Variants in LRRC37A2 observed in about 807,000 individuals in gnomAD.
The protein encoded by LRRC37A2 is leucine-rich repeat-containing protein 37A2.
Under a neutral mutation model 68.8 loss-of-function variants are expected in LRRC37A2, and 9 were observed. The observed-to-expected ratio is 0.13, with a 90% confidence interval of 0.08 to 0.23. The LOEUF is 0.23. Among genes scored for constraint, LRRC37A2 ranks in the 10% least tolerant of loss-of-function variants. The pLI is 1.00. For synonymous variants in LRRC37A2, 63 were observed against 367.6 expected (o/e 0.17, Z 9.48); for missense variants, 168 against 950.4 (o/e 0.18, Z 10.82).
the LRRC37A2 span, among the ~76,000 whole-genome samples, chr17:46,695,399 CAAG>C: frequency 2.8e-5 from 2 of 71,138 alleles, no homozygotes; most frequent in Non-Finnish European, 4.9e-5. Context: ...ACTCTTCCCT[CAAG>C]GAGTTCAGAG....
At chr17:47,009,466 G>A in the LRRC37A2 span, among the ~76,000 whole-genome samples, 1 of 152,186 alleles carries the variant, frequency 6.6e-6, no homozygotes, top group African/African-American at 2.4e-5. Flanking sequence ...GGAGCTGGGG[G>A]TGGAGGGTCC....
At chr17:47,019,866 C>A in the LRRC37A2 span, 12 of 908,162 alleles carry the variant, frequency 1.3e-5, no homozygotes, top group Admixed American at 3.4e-5. Flanking sequence ...TTCCTGGAGG[C>A]CTTCCTGGGC....
the LRRC37A2 span, among the ~76,000 whole-genome samples, chr17:46,896,433 A>G: frequency 9.7e-6 from 1 of 103,442 alleles, no homozygotes; most frequent in African/African-American, 8.4e-5. Flanking sequence ...AAAGAAAGAA[A>G]GAAAGAAAGA....
chr17:46,963,612 A>G, the LRRC37A2 span: 2 of 152,096 alleles, frequency 1.3e-5, no homozygotes, highest in African/African-American at 4.8e-5. Context: ...ACACTTCATA[A>G]CAAGCACTAA....
the LRRC37A2 span, among the ~76,000 whole-genome samples, chr17:46,878,000 T>C: frequency 6.6e-6 from 1 of 152,250 alleles, no homozygotes; most frequent in East Asian, 1.9e-4. Context: ...CAAGGCCCTC[T>C]GTGAAAGGAG....
the LRRC37A2 span, among the ~76,000 whole-genome samples, chr17:46,839,994 TTCTTTC>T: frequency 2.7e-5 from 2 of 74,848 alleles, no homozygotes; most frequent in African/African-American, 1.1e-4. Context: ...TCTTTCTTTT[TTCTTTC>T]TTCTTTCTTT....
chr17:46,989,293 C>G, the LRRC37A2 span, among the ~76,000 whole-genome samples: 1 of 152,218 alleles, frequency 6.6e-6, no homozygotes, highest in Non-Finnish European at 1.5e-5. Flanking sequence ...CCCCTTCGAA[C>G]AGATCCCACG....
the LRRC37A2 span, among the ~76,000 whole-genome samples, chr17:46,718,320 C>T: frequency 6.6e-6 from 1 of 151,946 alleles, no homozygotes; most frequent in Non-Finnish European, 1.5e-5. Flanking sequence ...CCACCTGAAG[C>T]TCAGTGAAAG....
At chr17:46,855,148 T>TC in the LRRC37A2 span, among the ~76,000 whole-genome samples, 1 of 152,172 alleles carries the variant, frequency 6.6e-6, no homozygotes, top group Admixed American at 6.5e-5. Context: ...TCTGGGCCCT[T>TC]CAACCTACAG....
the LRRC37A2 span, among the ~76,000 whole-genome samples, chr17:46,799,755 G>A: frequency 6.6e-6 from 1 of 152,128 alleles, no homozygotes; most frequent in Non-Finnish European, 1.5e-5. Context: ...GCCAGTTTCT[G>A]TCTGTTATTT....
At chr17:46,925,578 A>G in the LRRC37A2 span, among the ~76,000 whole-genome samples, 3 of 152,226 alleles carry the variant, frequency 2.0e-5, no homozygotes, top group African/African-American at 7.2e-5. Flanking sequence ...GGCTCCTTTC[A>G]GTTCCATGAT....
At chr17:46,497,486 TA>T in the LRRC37A2 span, among the ~76,000 whole-genome samples, 1 of 137,936 alleles carries the variant, frequency 7.2e-6, no homozygotes, top group African/African-American at 2.8e-5. Flanking sequence ...AATTACAAAA[TA>T]TATACCTAAC....
At chr17:46,921,906 A>G in the LRRC37A2 span, among the ~76,000 whole-genome samples, 24 of 152,254 alleles carry the variant, frequency 1.6e-4, no homozygotes, top group South Asian at 1.4e-3. Context: ...TGGTTCAACC[A>G]TTGTGGAAGA....
At chr17:47,020,806 A>AAAAAAAAAAAAAAG in the LRRC37A2 span, among the ~76,000 whole-genome samples, 1 of 131,202 alleles carries the variant, frequency 7.6e-6, no homozygotes, top group African/African-American at 2.7e-5. Context: ...AAAAAAAAAA[A>AAAAAAAAAAAAAAG]TAGGAGGGAA....
At chr17:46,802,575 G>A in the LRRC37A2 span, among the ~76,000 whole-genome samples, 1 of 152,210 alleles carries the variant, frequency 6.6e-6, no homozygotes, top group South Asian at 2.1e-4. Flanking sequence ...GCCAAGATTA[G>A]AGGGTTGGAC....
At chr17:46,965,354 C>T in the LRRC37A2 span, among the ~76,000 whole-genome samples, 71 of 152,210 alleles carry the variant, frequency 4.7e-4, no homozygotes, top group African/African-American at 1.7e-3. Flanking sequence ...CCTGTGCTGA[C>T]AAGAAGTGCT....
chr17:46,694,554 T>C, the LRRC37A2 span: 1 of 1,346,770 alleles, frequency 7.4e-7, no homozygotes, highest in African/African-American at 1.6e-5. Flanking sequence ...TACTCTCTGC[T>C]GATGTAGACA....
the LRRC37A2 span, among the ~76,000 whole-genome samples, chr17:46,802,987 G>A: frequency 0.31 from 47,393 of 152,050 alleles, 7,905 homozygotes; most frequent in East Asian, 0.54. Flanking sequence ...AGCAGCCTGG[G>A]GCTTGGGATT....
chr17:46,826,983 G>A, the LRRC37A2 span, among the ~76,000 whole-genome samples: 1,134 of 152,136 alleles, frequency 7.5e-3, 11 homozygotes, highest in African/African-American at 0.025. Context: ...CACCATGTTG[G>A]CCAGGCTGGT....
Sources: allele counts gnomAD v4.1 joint callset (sites outside exome capture counted in the v4.1 genomes callset), GRCh38; gene constraint gnomAD v4.1.1; transcripts MANE v1.5; gene names NCBI Gene and HGNC (gene_info 2026-07-23, HGNC 2026-07-21).